The following CSN1S1 variants were observed in gnomAD, a reference collection of about 807,000 sequenced individuals.
The protein encoded by CSN1S1 is casein alpha s1, also known as alpha-S1-casein.
Under a neutral mutation model 49.1 loss-of-function variants are expected in CSN1S1, and 63 were observed. That is an observed-to-expected ratio of 1.28 (90% CI 1.05 to 1.58). The LOEUF (loss-of-function observed/expected upper bound fraction) is 1.58. Ranked by LOEUF, CSN1S1 falls within the 40% of genes most tolerant of loss-of-function variation. CSN1S1 has a pLI of 0.00. For synonymous variants in CSN1S1, 78 were observed against 67.1 expected (o/e 1.16, Z -0.79); for missense variants, 260 against 224.7 (o/e 1.16, Z -1.01).
At chr4:69,941,189 C>G in intron 12 of CSN1S1, 129 bp downstream of exon 12, 1 of 467,286 alleles carries the variant, frequency 2.1e-6, no homozygotes, top group Middle Eastern at 5.9e-4. Flanking sequence ...CTAGCCTTGA[C>G]CAATAATTGG....
At chr4:69,936,798 T>C (rs1352231522) in intron 7 of CSN1S1, among the ~76,000 whole-genome samples, 191 bp downstream of exon 7, 1 of 151,976 alleles carries the variant, frequency 6.6e-6, no homozygotes, top group Non-Finnish European at 1.5e-5. Context: ...GACTTAATTG[T>C]GCAACTGTGA....
At chr4:69,942,084 T>G in intron 13 of CSN1S1, 21 bp downstream of exon 13, 1 of 1,386,712 alleles carries the variant, frequency 7.2e-7, no homozygotes, top group Non-Finnish European at 9.7e-7. Context: ...TTATTAAATC[T>G]AAAATATTTT....
At position 69,941,017 on chromosome 4, in the gene CSN1S1, A is replaced by G; in HGVS notation, c.301-2A>G. 1 of 1,498,566 alleles carries G rather than the reference A, an allele frequency of 6.7e-7. No homozygotes were observed. The highest frequency in any genetic ancestry group is 9.1e-7 in the Non-Finnish European group (1 of 1,097,016). The allele number at this position is 1,498,566 out of a possible 1,614,324, so 92.8% of individuals were successfully genotyped here. A position where few individuals can be genotyped will look rare whatever the true frequency, so the allele number is the denominator to read the frequency against. On this transcript the variant is annotated splice_acceptor_variant, in intron 11 of 15. Coordinates refer to ENST00000246891, the MANE Select transcript of CSN1S1 (RefSeq NM_001890.2). LOFTEE classifies it high-confidence loss of function. ...ATTGAGAATATTTTTCTTTTTAAAT[A>G]GGAACAGTTTTGTAGACTGAACGAA...
At chr4:69,939,497 C>A (rs1309632149) in intron 10 of CSN1S1, among the ~76,000 whole-genome samples, 1 of 151,684 alleles carries the variant, frequency 6.6e-6, no homozygotes, top group African/African-American at 2.4e-5. Context: ...TTTGTTAAAA[C>A]TCAATCTTAT....
intron 1 of CSN1S1, among the ~76,000 whole-genome samples, 196 bp downstream of exon 1, chr4:69,931,313 T>C (rs1247825711): frequency 6.6e-6 from 1 of 152,008 alleles, no homozygotes; most frequent in Non-Finnish European, 1.5e-5. Flanking sequence ...ATCAATACAG[T>C]TTTATAAAAA....
At chr4:69,938,474 A>G (rs1049258017) in intron 9 of CSN1S1, among the ~76,000 whole-genome samples, 5 of 151,566 alleles carry the variant, frequency 3.3e-5, no homozygotes, top group Non-Finnish European at 7.4e-5. Flanking sequence ...GAAAGAATCT[A>G]TGGCAGCAAT....
intron 14 of CSN1S1, among the ~76,000 whole-genome samples, chr4:69,944,343 G>A (rs936160035): frequency 4.0e-5 from 6 of 151,888 alleles, no homozygotes; most frequent in Non-Finnish European, 7.4e-5. Context: ...CAAAACTCTA[G>A]TGTTTGAAAA....
At chr4:69,932,645 G>C (rs1438686115) in intron 2 of CSN1S1, 39 bp downstream of exon 2, 3 of 1,526,262 alleles carry the variant, frequency 2.0e-6, no homozygotes, top group Non-Finnish European at 2.7e-6. Flanking sequence ...TTAGACTCTT[G>C]TTAGAAATGA....
intron 3 of CSN1S1, among the ~76,000 whole-genome samples, chr4:69,934,484 C>T (rs1722708098): frequency 6.6e-6 from 1 of 152,012 alleles, no homozygotes; most frequent in Non-Finnish European, 1.5e-5. Context: ...GTTAATTAAA[C>T]AGAATGTGTT....
intron 4 of CSN1S1, among the ~76,000 whole-genome samples, chr4:69,935,301 G>T (rs546766166): frequency 1.8e-4 from 27 of 151,800 alleles, no homozygotes; most frequent in Non-Finnish European, 3.5e-4. Flanking sequence ...CACTTTGGGA[G>T]GCTGAGGCAG....
rs1237374346 is a variant in CSN1S1 at position 69,938,235 on chromosome 4, A to G, written c.243+412A>G. On this transcript the variant is annotated intron_variant, in intron 9 of 15. Coordinates refer to ENST00000246891, the MANE Select transcript of CSN1S1 (RefSeq NM_001890.2). ...ATTTTAGATACAAGTGCATGTATGTATGTAAGATTTTTACATGAGTATGTT... is the reference window on the plus strand; with the variant it reads ...ATTTTAGATACAAGTGCATGTATGTGTGTAAGATTTTTACATGAGTATGTT... Among the ~76,000 whole-genome samples, 5 of 151,928 alleles carry G rather than the reference A, an allele frequency of 3.3e-5. No individual in the cohort carries two copies. The East Asian group carries it at 9.7e-4, about 30-fold the overall frequency.
rs565787266 is a variant in CSN1S1, at chr4:69,937,737, C to G, written c.220-63C>G. ...TTTGACATCCATTTTATTTGGTAAT[C>G]ATTACTTTTGTATTTGACTATTTGT... On this transcript the variant is annotated intron_variant, in intron 8 of 15. Coordinates refer to ENST00000246891, the MANE Select transcript of CSN1S1 (RefSeq NM_001890.2). The G allele has an allele frequency of 1.9e-5, 24 of 1,258,404 alleles. No individual in the cohort carries two copies. In the African/African-American group the frequency reaches 2.9e-4, roughly 15 times the overall value. 78.0% of individuals were successfully genotyped at this position (1,258,404 alleles called of 1,614,324 possible). A position where few individuals can be genotyped will look rare whatever the true frequency, so the allele number is the denominator to read the frequency against.
At chr4:69,934,787 G>T in intron 4 of CSN1S1, 77 bp downstream of exon 4, 1 of 1,285,038 alleles carries the variant, frequency 7.8e-7, no homozygotes, top group Non-Finnish European at 1.1e-6. Flanking sequence ...CATGTTGAAT[G>T]TCTTCTTCTT....
At chr4:69,946,144 T>C (rs987437143) in intron 15 of CSN1S1, 52 bp from the exon 16 acceptor site, 3 of 473,674 alleles carry the variant, frequency 6.3e-6, no homozygotes, top group Non-Finnish European at 1.2e-5. Context: ...GCTTTTCTTT[T>C]CTTCAAAAAT....
At chr4:69,939,275 A>T in intron 10 of CSN1S1, 67 bp downstream of exon 10, 1 of 1,156,438 alleles carries the variant, frequency 8.6e-7, no homozygotes, top group Admixed American at 1.8e-5. Flanking sequence ...TTGTACCGTG[A>T]GGATTACATA....
intron 3 of CSN1S1, 39 bp downstream of exon 3, chr4:69,934,283 T>C (rs780760056): frequency 1.3e-6 from 2 of 1,594,828 alleles, no homozygotes; most frequent in Non-Finnish European, 1.7e-6. Context: ...CTCACTCTAA[T>C]TGTGAAGCAC....
intron 4 of CSN1S1, among the ~76,000 whole-genome samples, chr4:69,935,360 C>A (rs1422957487): frequency 2.0e-5 from 3 of 150,186 alleles, no homozygotes; most frequent in African/African-American, 7.3e-5. Context: ...GCAACATAAC[C>A]AAACCCCGTC....
intron 9 of CSN1S1, among the ~76,000 whole-genome samples, chr4:69,938,229 G>T (rs2109719651): frequency 6.6e-6 from 1 of 151,824 alleles, no homozygotes; most frequent in South Asian, 2.1e-4. Context: ...ACAAGTGCAT[G>T]TATGTATGTA....
At chr4:69,944,055 T>C (rs1022637328) in intron 14 of CSN1S1, among the ~76,000 whole-genome samples, 4 of 152,138 alleles carry the variant, frequency 2.6e-5, no homozygotes, top group Admixed American at 6.6e-5. Flanking sequence ...GGGCCAGTTC[T>C]ATCTTGAGGT....
Sources: allele counts gnomAD v4.1 joint callset (sites outside exome capture counted in the v4.1 genomes callset), GRCh38; gene constraint gnomAD v4.1.1; transcripts MANE v1.5; gene names NCBI Gene and HGNC (gene_info 2026-07-23, HGNC 2026-07-21).